RPS6KC1: variants seen among roughly 807,000 people sequenced by gnomAD.
The protein encoded by RPS6KC1 is inactive ribosomal protein S6 kinase delta-1.
A neutral mutation model predicts 103.8 loss-of-function variants in RPS6KC1; 54 were observed. The ratio of observed to expected loss-of-function variants is 0.52; its 90% CI spans 0.42 to 0.65. The LOEUF is 0.65. Ranked by LOEUF, RPS6KC1 falls within the 30% of genes least tolerant of loss-of-function variation. RPS6KC1 has a pLI of 0.00. For missense variants in RPS6KC1, 1,151 were observed against 1,253.8 expected (o/e 0.92, Z 1.24); for synonymous variants, 439 against 438.7 (o/e 1.00, Z -0.01).
chr1:213,831,738 A>G, the RPS6KC1 span, among the ~76,000 whole-genome samples: 1 of 152,190 alleles, frequency 6.6e-6, no homozygotes, highest in Non-Finnish European at 1.5e-5. Flanking sequence ...TTGAAATCAT[A>G]AGCTATCTTC....
At chr1:213,520,419 C>T in the RPS6KC1 span, among the ~76,000 whole-genome samples, 11 of 152,092 alleles carry the variant, frequency 7.2e-5, no homozygotes, top group Non-Finnish European at 1.3e-4. Flanking sequence ...CAGTTGTCTC[C>T]CACCAGGTCC....
intron 6 of RPS6KC1, among the ~76,000 whole-genome samples, chr1:213,134,898 C>A (rs2086098948): frequency 6.6e-6 from 1 of 152,080 alleles, no homozygotes; most frequent in Admixed American, 6.6e-5. Flanking sequence ...TCTTCCTTTT[C>A]AATTTGGATG....
At position 213,153,082 on chromosome 1, in the gene RPS6KC1, A is replaced by T. The variant is rs1423348832; in HGVS notation, c.836-14776A>T. ...GCGAAACCCCGTCTCCACCAAAACC[A>T]GTCAGGCCTGGCGGCGCGAGTCTGC... On this transcript the variant is annotated intron_variant, in intron 6 of 14. Coordinates refer to ENST00000366960, the MANE Select transcript of RPS6KC1 (RefSeq NM_012424.6). Among the ~76,000 whole-genome samples the T allele has an allele frequency of 2.0e-5, 3 of 152,218 alleles. No individual in the cohort carries two copies. In the South Asian group the frequency reaches 6.2e-4, roughly 32 times the overall value.
the RPS6KC1 span, among the ~76,000 whole-genome samples, chr1:213,723,964 A>C: frequency 0.078 from 11,879 of 152,194 alleles, 606 homozygotes; most frequent in Middle Eastern, 0.18. Context: ...AGTGTCATCT[A>C]ACTCATCCCC....
chr1:213,334,468 T>C, the RPS6KC1 span, among the ~76,000 whole-genome samples: 1 of 152,224 alleles, frequency 6.6e-6, no homozygotes, highest in East Asian at 1.9e-4. Flanking sequence ...ATGAAATGTA[T>C]CAGCAACTCA....
At chr1:213,852,045 A>G in the RPS6KC1 span, among the ~76,000 whole-genome samples, 1 of 151,988 alleles carries the variant, frequency 6.6e-6, no homozygotes, top group African/African-American at 2.4e-5. Flanking sequence ...TTTCCCACAT[A>G]CTGCCCACTG....
chr1:213,184,387 TTTA>T (rs2092430687), intron 8 of RPS6KC1, among the ~76,000 whole-genome samples: 1 of 152,034 alleles, frequency 6.6e-6, no homozygotes, highest in Non-Finnish European at 1.5e-5. Flanking sequence ...ATACCATGAA[TTTA>T]TTATTTAAAT....
chr1:213,617,877 G>A, the RPS6KC1 span, among the ~76,000 whole-genome samples: 9,890 of 152,250 alleles, frequency 0.065, 609 homozygotes, highest in East Asian at 0.28. Flanking sequence ...TCTCCATCGA[G>A]GAGATTTAGA....
At chr1:213,526,044 A>G in the RPS6KC1 span, among the ~76,000 whole-genome samples, 1 of 152,274 alleles carries the variant, frequency 6.6e-6, no homozygotes, top group East Asian at 1.9e-4. Flanking sequence ...ATAATATGGC[A>G]TGCTTGATTG....
At chr1:213,149,811 A>G (rs1271748438) in intron 6 of RPS6KC1, among the ~76,000 whole-genome samples, 1 of 152,216 alleles carries the variant, frequency 6.6e-6, no homozygotes, top group Admixed American at 6.5e-5. Flanking sequence ...TTTGCCTTAT[A>G]ATATATGGGT....
At chr1:213,366,881 C>T in the RPS6KC1 span, among the ~76,000 whole-genome samples, 1 of 152,220 alleles carries the variant, frequency 6.6e-6, no homozygotes, top group Non-Finnish European at 1.5e-5. Context: ...TCTGTATCTT[C>T]CCTGCATTTG....
At chr1:213,449,327 C>T in the RPS6KC1 span, among the ~76,000 whole-genome samples, 1 of 152,216 alleles carries the variant, frequency 6.6e-6, no homozygotes, top group Non-Finnish European at 1.5e-5. Flanking sequence ...AGACCACAGA[C>T]TGGGTGGCTT....
chr1:213,473,011 ATGAACTG>A, the RPS6KC1 span, among the ~76,000 whole-genome samples: 1 of 152,216 alleles, frequency 6.6e-6, no homozygotes. Flanking sequence ...ACCTATTCCA[ATGAACTG>A]TGCTTTGGGA....
At chr1:213,112,712 C>G (rs2148847794) in intron 4 of RPS6KC1, among the ~76,000 whole-genome samples, 1 of 152,018 alleles carries the variant, frequency 6.6e-6, no homozygotes, top group Admixed American at 6.5e-5. Context: ...TATCCCTCCC[C>G]TCTCCCCCCA....
chr1:213,696,426 C>T, the RPS6KC1 span, among the ~76,000 whole-genome samples: 3 of 149,594 alleles, frequency 2.0e-5, no homozygotes, highest in African/African-American at 7.5e-5. Context: ...CGCTTGAACC[C>T]GGGAGGCGGA....
chr1:213,629,678 T>C, the RPS6KC1 span, among the ~76,000 whole-genome samples: 1 of 152,212 alleles, frequency 6.6e-6, no homozygotes, highest in Non-Finnish European at 1.5e-5. Context: ...CTTCCTAGCC[T>C]CGACGGTCTT....
At chr1:213,461,285 A>G in the RPS6KC1 span, among the ~76,000 whole-genome samples, 1 of 152,348 alleles carries the variant, frequency 6.6e-6, no homozygotes, top group East Asian at 1.9e-4. Context: ...ATAAGAGAGG[A>G]CACAAACAAA....
At chr1:213,754,606 A>G in the RPS6KC1 span, among the ~76,000 whole-genome samples, 4 of 152,162 alleles carry the variant, frequency 2.6e-5, no homozygotes, top group Non-Finnish European at 5.9e-5. Context: ...TAAGAAGGCT[A>G]TTCCCACTTT....
At chr1:213,334,650 G>A in the RPS6KC1 span, among the ~76,000 whole-genome samples, 1 of 152,166 alleles carries the variant, frequency 6.6e-6, no homozygotes, top group East Asian at 1.9e-4. Context: ...CATTGCAAGG[G>A]CTCCTCCCAG....
Sources: gnomAD v4.1 joint callset for allele counts (sites outside exome capture counted in the v4.1 genomes callset) on GRCh38, gnomAD v4.1.1 for gene constraint, MANE v1.5 for transcripts, NCBI Gene and HGNC (gene_info 2026-07-23, HGNC 2026-07-21) for gene names.